Variants in UBR1 observed in about 807,000 individuals in gnomAD.
UBR1 encodes ubiquitin protein ligase E3 component n-recognin 1.
A neutral mutation model predicts 242.1 loss-of-function variants in UBR1; 102 were observed. That is an observed-to-expected ratio of 0.42 (90% confidence interval 0.36 to 0.50). The LOEUF (loss-of-function observed/expected upper bound fraction) is 0.50, where lower values mean the gene tolerates loss of function less well. Ranked by LOEUF, UBR1 falls within the 20% of genes least tolerant of loss-of-function variation. The pLI, the probability that UBR1 is intolerant of heterozygous loss-of-function variation, is 0.01. For missense variants in UBR1, 1,772 were observed against 2,101.8 expected, an observed-to-expected ratio of 0.84 and a Z score of 3.07; for synonymous variants, 675 against 684.8, an observed-to-expected ratio of 0.99 and a Z score of 0.22.
At chr15:43,095,495 A>G (rs987653081) in intron 1 of UBR1, among the ~76,000 whole-genome samples, 1 of 151,942 alleles carries the variant, frequency 6.6e-6, no homozygotes, top group Non-Finnish European at 1.5e-5. Flanking sequence ...TACTTACCAC[A>G]GCATATTTCC....
At chr15:43,063,363 C>T (rs1301822536) in intron 6 of UBR1, among the ~76,000 whole-genome samples, 1 of 152,240 alleles carries the variant, frequency 6.6e-6, no homozygotes, top group African/African-American at 2.4e-5. Flanking sequence ...TCTCCTGGGA[C>T]ACTGGTTTAT....
intron 41 of UBR1, among the ~76,000 whole-genome samples, 193 bp from the exon 42 acceptor site, chr15:42,964,236 G>A (rs1184422577): frequency 2.0e-5 from 3 of 152,074 alleles, no homozygotes; most frequent in South Asian, 2.1e-4. Context: ...TTGGGAGGCC[G>A]AGGCGGGCGG....
At chr15:43,004,911 C>T (rs890873009) in intron 30 of UBR1, among the ~76,000 whole-genome samples, 3 of 150,854 alleles carry the variant, frequency 2.0e-5, no homozygotes, top group African/African-American at 7.3e-5. Context: ...TCTTCCCAGC[C>T]GCCATCCCGT....
intron 30 of UBR1, among the ~76,000 whole-genome samples, chr15:43,004,134 G>A (rs564237081): frequency 2.6e-5 from 4 of 152,094 alleles, no homozygotes; most frequent in Non-Finnish European, 4.4e-5. Context: ...AATTAGTATG[G>A]ATTAATAACT....
intron 14 of UBR1, among the ~76,000 whole-genome samples, chr15:43,046,105 A>G (rs1421218779): frequency 6.6e-6 from 1 of 152,238 alleles, no homozygotes; most frequent in Non-Finnish European, 1.5e-5. Flanking sequence ...TACTAAATGT[A>G]GATGACTTCA....
At chr15:42,964,154 GTA>G (rs2032067811) in intron 41 of UBR1, 111 bp from the exon 42 acceptor site, 2 of 794,656 alleles carry the variant, frequency 2.5e-6, no homozygotes, top group Non-Finnish European at 4.2e-6. Context: ...CTTGTAGAGG[GTA>G]TATTGCTTAT....
chr15:43,049,451 T>C (rs953227624), intron 12 of UBR1, among the ~76,000 whole-genome samples: 1 of 152,042 alleles, frequency 6.6e-6, no homozygotes, highest in African/African-American at 2.4e-5. Flanking sequence ...TAGTCCCAGC[T>C]ACTCGGGAGG....
At chr15:42,987,711 CAAAAAAAAAAAA>C (rs35169116) in intron 35 of UBR1, among the ~76,000 whole-genome samples, 90 of 54,662 alleles carry the variant, frequency 1.6e-3, no homozygotes, top group African/African-American at 6.3e-3. Context: ...GACTCTGTCT[CAAAAAAAAAAAA>C]AAAAAAAAAA....
At chr15:43,073,701 T>A (rs1227226328) in intron 4 of UBR1, among the ~76,000 whole-genome samples, 1 of 152,206 alleles carries the variant, frequency 6.6e-6, no homozygotes, top group Non-Finnish European at 1.5e-5. Context: ...CAATCAATTA[T>A]ATTGGTTATT....
At chr15:42,976,271 G>A (rs150717049) in intron 39 of UBR1, among the ~76,000 whole-genome samples, 157 of 152,272 alleles carry the variant, frequency 1.0e-3, no homozygotes, top group East Asian at 4.4e-3. Context: ...ACAGGGAAAG[G>A]AGCAGAACAA....
intron 35 of UBR1, 41 bp from the exon 36 acceptor site, chr15:42,984,983 A>G (rs1358517939): frequency 2.1e-6 from 3 of 1,397,384 alleles, no homozygotes; most frequent in Non-Finnish European, 3.0e-6. Context: ...AATCCTGAAT[A>G]GTGCTATAAT....
chr15:43,052,499 G>C (rs2033568689), intron 12 of UBR1, among the ~76,000 whole-genome samples: 1 of 152,206 alleles, frequency 6.6e-6, no homozygotes, highest in East Asian at 1.9e-4. Flanking sequence ...AAGGCAGGCT[G>C]AACAGAGTAC....
At position 42,985,240 on chromosome 15, in the gene UBR1, G is replaced by C. The variant is rs138077192; in HGVS notation, c.3998-298C>G. ...GCCTGGACTGCTTCTTCTCATTTCA[G>C]CATCTTTTTTATGCAAAATTTTCTA... On this transcript the variant is annotated intron_variant, in intron 35 of 46. Transcript: ENST00000290650. Among the ~76,000 whole-genome samples, 443 of 152,178 alleles carry C rather than the reference G, an allele frequency of 2.9e-3. 1 individual carries two copies. The highest frequency in any genetic ancestry group is 4.7e-3 in the Non-Finnish European group (320 of 68,010).
chr15:43,089,705 C>T (rs533225799), intron 1 of UBR1, among the ~76,000 whole-genome samples: 2 of 152,170 alleles, frequency 1.3e-5, no homozygotes, highest in South Asian at 2.1e-4. Flanking sequence ...ATGGATCTGA[C>T]GGGGACTACA....
chr15:43,018,873 C>T (rs2033065413), intron 27 of UBR1, among the ~76,000 whole-genome samples: 1 of 152,152 alleles, frequency 6.6e-6, no homozygotes, highest in Non-Finnish European at 1.5e-5. Context: ...AATGAATTTT[C>T]AGGACTAGAT....
At chr15:43,031,917 C>G (rs1393356158) in intron 20 of UBR1, among the ~76,000 whole-genome samples, 1 of 152,056 alleles carries the variant, frequency 6.6e-6, no homozygotes, top group African/African-American at 2.4e-5. Context: ...ACCTGTGGTC[C>G]CAGCTACTCA....
chr15:42,988,876 C>A lies in UBR1; in HGVS notation c.3940G>T (p.Asp1314Tyr). Residue 1314 changes from aspartate to tyrosine, a missense_variant, in exon 35 of 47, where the codon GAT becomes TAT. Coordinates refer to ENST00000290650, the MANE Select transcript of UBR1 (RefSeq NM_174916.3). Reference protein sequence around the residue: ...IGLKVPPDERDPRVPMLTWST... With the variant: ...IGLKVPPDERYPRVPMLTWST... ...CAGGTCAGCATGGGGACTCGAGGAT[C>A]CCTTTCATCAGGTGGCACTTTCAAT... 1 of 1,614,170 alleles carries A rather than the reference C, an allele frequency of 6.2e-7. No individual in the cohort carries two copies. Among genetic ancestry groups the A allele is most frequent in the African/African-American group, 1.3e-5 (1 of 75,040 alleles).
chr15:42,987,555 A>T (rs1302884983), intron 35 of UBR1, among the ~76,000 whole-genome samples: 1 of 152,048 alleles, frequency 6.6e-6, no homozygotes, highest in Non-Finnish European at 1.5e-5. Flanking sequence ...CTCTACTAAA[A>T]ATACAAAAAT....
At chr15:43,077,993 T>A (rs1197353884) in intron 3 of UBR1, among the ~76,000 whole-genome samples, 1 of 152,178 alleles carries the variant, frequency 6.6e-6, no homozygotes, top group South Asian at 2.1e-4. Flanking sequence ...AACGTTCATA[T>A]GACGTACTCC....
Sources: allele counts gnomAD v4.1 joint callset (sites outside exome capture counted in the v4.1 genomes callset), GRCh38; gene constraint gnomAD v4.1.1; transcripts MANE v1.5; gene names NCBI Gene and HGNC (gene_info 2026-07-23, HGNC 2026-07-21).